ABCB1: variants seen among roughly 807,000 people sequenced by gnomAD.
The protein encoded by ABCB1 is ATP binding cassette subfamily B member 1.
A neutral mutation model predicts 142.0 loss-of-function variants in ABCB1; 69 were observed. That is an observed-to-expected ratio of 0.49 (90% confidence interval 0.40 to 0.59). ABCB1 has a LOEUF of 0.59. ABCB1 is among the 20% of genes least tolerant of loss of function. The pLI, the probability that ABCB1 is intolerant of heterozygous loss-of-function variation, is 0.00. For missense variants in ABCB1, 1,326 were observed against 1,554.7 expected, an observed-to-expected ratio of 0.85 and a Z score of 2.47; for synonymous variants, 532 against 539.2, an observed-to-expected ratio of 0.99 and a Z score of 0.18.
Position 87,698,346 on chromosome 7 carries a change from G to A in ABCB1, c.-331+14815C>T, listed in dbSNP as rs6951473. 4.9e-3 allele frequency among the ~76,000 whole-genome samples: 750 copies of A among 152,114 alleles called. 2 individuals are homozygous for A. The highest frequency in any genetic ancestry group is 9.1e-3 in the Non-Finnish European group (617 of 68,006). On this transcript the variant is annotated intron_variant, in intron 1 of 28. Coordinates refer to the ABCB1 transcript ENST00000265724. ...CCTGACCACATGATCCTCCCACCTC[G>A]GCCTCCCAAAGTGCTGGGATTACAG...
At chr7:87,562,199 A>G (rs527509458) in intron 7 of ABCB1, among the ~76,000 whole-genome samples, 1 of 152,358 alleles carries the variant, frequency 6.6e-6, no homozygotes, top group Admixed American at 6.5e-5. Context: ...AAAAGGAGCT[A>G]TGACAGCTAG....
chr7:87,544,268 C>T lies in ABCB1; in HGVS notation c.2072G>A (p.Ser691Asn). ...CCTCCAAAAGGAAACTGGAGGTATA[C>T]TTTCATCCTAGAAAACACAAATTAT... is the stretch of plus-strand genomic sequence containing the variant. ...KLSTKEALDE[S>N]IPPVSFWRIM... is the part of the protein sequence containing the mutation. The change falls in exon 17 of 28, where the codon AGT becomes AAT. Residue 691 changes from serine (S) to asparagine (N), a missense_variant. Physicochemically the swap from Ser to Asn is conservative, Grantham distance 46. Transcript: ENST00000622132. The T allele has an allele frequency of 6.2e-7, 1 of 1,612,726 alleles. No individual in the cohort carries two copies. Among genetic ancestry groups the T allele is most frequent in the Non-Finnish European group, 8.5e-7 (1 of 1,179,790 alleles).
chr7:87,706,635 C>T (rs1038397262), intron 1 of ABCB1, among the ~76,000 whole-genome samples: 1 of 152,194 alleles, frequency 6.6e-6, no homozygotes, highest in Non-Finnish European at 1.5e-5. Context: ...GCACATCCAT[C>T]TTTGCTTTAG....
intron 21 of ABCB1, among the ~76,000 whole-genome samples, chr7:87,525,992 C>A (rs966629380): frequency 6.6e-6 from 1 of 152,084 alleles, no homozygotes; most frequent in Non-Finnish European, 1.5e-5. Flanking sequence ...TGCCAGATTG[C>A]GTAAAGTTAG....
chr7:87,601,346 C>G (rs1032585306), upstream of ABCB1, among the ~76,000 whole-genome samples: 1 of 152,120 alleles, frequency 6.6e-6, no homozygotes, highest in African/African-American at 2.4e-5. Flanking sequence ...GCATGCTTGA[C>G]AGTTTCTGAG....
At chr7:87,511,134 A>T (rs552013146) in intron 25 of ABCB1, among the ~76,000 whole-genome samples, 3 of 152,182 alleles carry the variant, frequency 2.0e-5, no homozygotes, top group Non-Finnish European at 2.9e-5. Flanking sequence ...CCCGCATAAT[A>T]CCCTAGAATT....
At chr7:87,687,593 G>C (rs1293838206) in intron 1 of ABCB1, among the ~76,000 whole-genome samples, 1 of 152,128 alleles carries the variant, frequency 6.6e-6, no homozygotes, top group African/African-American at 2.4e-5. Context: ...AATCTCTAGA[G>C]CAGTGCCTAC....
At chr7:87,585,921 T>C (rs758863732) in intron 3 of ABCB1, among the ~76,000 whole-genome samples, 1 of 152,212 alleles carries the variant, frequency 6.6e-6, no homozygotes, top group Admixed American at 6.5e-5. Context: ...TGTCTTCTTA[T>C]ATGAAGTCTA....
chr7:87,680,387 A>G (rs1826807733), intron 1 of ABCB1, among the ~76,000 whole-genome samples: 2 of 150,920 alleles, frequency 1.3e-5, no homozygotes. Flanking sequence ...AACGCGTTGT[A>G]TCAAAATGTG....
At chr7:87,712,602 G>A (rs1210710451) in intron 1 of ABCB1, among the ~76,000 whole-genome samples, 8 of 152,084 alleles carry the variant, frequency 5.3e-5, no homozygotes, top group Admixed American at 1.3e-4. Context: ...ATTGGGTGGG[G>A]TAGAAATAAT....
rs774711495 is a variant in ABCB1 at position 87,549,511 on chromosome 7, T to C, written c.1562A>G (p.Asp521Gly). ...DFIMKLPHKF[D>G]TLVGERGAQL... ...GGCCCCTCTCTCTCCAACCAGGGTGTCAAATTTCTACCACAGAAAACCCAG... is the reference window on the plus strand; with the variant it reads ...GGCCCCTCTCTCTCCAACCAGGGTGCCAAATTTCTACCACAGAAAACCCAG... The change falls in exon 14 of 28, where the codon GAC becomes GGC. Residue 521 changes from aspartate to glycine, a missense_variant. By Grantham distance (94) the Asp-to-Gly change is moderately conservative (BLOSUM62 -1). Coordinates refer to ENST00000622132, the MANE Select transcript of ABCB1 (RefSeq NM_001348946.2). 6.2e-7 allele frequency: 1 copy of C among 1,614,164 alleles called. No individual in the cohort carries two copies. Among genetic ancestry groups the C allele is most frequent in the Non-Finnish European group, 8.5e-7 (1 of 1,180,040 alleles).
At chr7:87,672,950 C>G (rs1825978005) in intron 1 of ABCB1, among the ~76,000 whole-genome samples, 1 of 152,138 alleles carries the variant, frequency 6.6e-6, no homozygotes, top group African/African-American at 2.4e-5. Flanking sequence ...ACTTGTCTTT[C>G]TCTATGAGAG....
chr7:87,617,790 C>A (rs1373330604), intron 1 of ABCB1, among the ~76,000 whole-genome samples: 2 of 152,146 alleles, frequency 1.3e-5, no homozygotes, highest in Non-Finnish European at 2.9e-5. Context: ...TGGTTTCAAA[C>A]TGTTCCAAGG....
At chr7:87,604,005 T>G (rs559742075), upstream of ABCB1, among the ~76,000 whole-genome samples, 4 of 152,312 alleles carry the variant, frequency 2.6e-5, no homozygotes, top group East Asian at 7.7e-4. Flanking sequence ...CTCCTTAGCA[T>G]TCTTTGCAAC....
chr7:87,687,706 G>A (rs557242364), intron 1 of ABCB1, among the ~76,000 whole-genome samples: 8 of 152,072 alleles, frequency 5.3e-5, no homozygotes, highest in Non-Finnish European at 1.0e-4. Context: ...CTTAAAACGA[G>A]TTAGAACTCC....
intron 16 of ABCB1, 31 bp from the exon 17 acceptor site, chr7:87,544,306 G>T: frequency 6.2e-7 from 1 of 1,609,578 alleles, no homozygotes; most frequent in Non-Finnish European, 8.5e-7. Context: ...CAACAGGCTA[G>T]TTAAAAACTT....
At chr7:87,626,211 GTGTCATATATA>G (rs1820487018) in intron 1 of ABCB1, among the ~76,000 whole-genome samples, 1 of 98,994 alleles carries the variant, frequency 1.0e-5, no homozygotes, top group Non-Finnish European at 2.1e-5. Flanking sequence ...TCATATATAT[GTGTCATATATA>G]TGTCATATAT....
chr7:87,538,666 C>T (rs551205682), intron 19 of ABCB1, among the ~76,000 whole-genome samples: 1 of 152,302 alleles, frequency 6.6e-6, no homozygotes, highest in East Asian at 1.9e-4. Flanking sequence ...CTCTGAGTTA[C>T]ATTCCTCTAA....
At chr7:87,540,040 C>T (rs12720067) in intron 18 of ABCB1, among the ~76,000 whole-genome samples, 13,451 of 152,230 alleles carry the variant, frequency 0.088, 782 homozygotes, top group South Asian at 0.15. Context: ...AGGTCAAATT[C>T]CCCAGTGAGG....
Sources: gnomAD v4.1 joint callset for allele counts (sites outside exome capture counted in the v4.1 genomes callset) on GRCh38, gnomAD v4.1.1 for gene constraint, MANE v1.5 for transcripts, NCBI Gene and HGNC (gene_info 2026-07-23, HGNC 2026-07-21) for gene names.